SYNE2: variants seen among roughly 807,000 people sequenced by gnomAD.
SYNE2 encodes nesprin-2.
A neutral mutation model predicts 856.3 loss-of-function variants in SYNE2; 431 were observed. That is an observed-to-expected ratio of 0.50 (90% CI 0.47 to 0.55). The LOEUF (loss-of-function observed/expected upper bound fraction) is 0.55. Among genes scored for constraint, SYNE2 ranks in the 20% least tolerant of loss-of-function variants. The pLI, the probability that SYNE2 is intolerant of heterozygous loss-of-function variation, is 0.00. For missense variants in SYNE2, 8,129 were observed against 8,023.2 expected, an observed-to-expected ratio of 1.01 and a Z score of -0.50; for synonymous variants, 2,923 against 2,872.3, an observed-to-expected ratio of 1.02 and a Z score of -0.56.
chr14:64,187,340 A>G (rs1953234), intron 97 of SYNE2, among the ~76,000 whole-genome samples: 70,414 of 152,070 alleles, frequency 0.46, 18,640 homozygotes, highest in African/African-American at 0.74. Context: ...AATATTCACA[A>G]TGTACCCTAA....
intron 45 of SYNE2, among the ~76,000 whole-genome samples, chr14:64,036,624 A>C (rs1354820177): frequency 6.6e-6 from 1 of 152,180 alleles, no homozygotes; most frequent in Non-Finnish European, 1.5e-5. Context: ...ATGTTTGGTC[A>C]ACAACTGCTA....
chr14:63,944,218 A>C (rs2095976804), intron 6 of SYNE2, among the ~76,000 whole-genome samples: 1 of 150,138 alleles, frequency 6.7e-6, no homozygotes, highest in African/African-American at 2.4e-5. Flanking sequence ...TTTTAACAAA[A>C]TGGGGGTCAT....
intron 1 of SYNE2, among the ~76,000 whole-genome samples, chr14:63,809,382 G>A (rs1178524316): frequency 4.6e-5 from 7 of 152,146 alleles, no homozygotes; most frequent in Non-Finnish European, 8.8e-5. Context: ...GTAAGCTTCT[G>A]TATTTGCCTT....
intron 1 of SYNE2, among the ~76,000 whole-genome samples, chr14:63,846,204 A>G (rs1254911326): frequency 6.6e-6 from 1 of 151,558 alleles, no homozygotes; most frequent in Non-Finnish European, 1.5e-5. Flanking sequence ...ACGCACCATT[A>G]TGCTGGCTAA....
chr14:63,842,458 T>C (rs1376537407), intron 1 of SYNE2, among the ~76,000 whole-genome samples: 5 of 108,958 alleles, frequency 4.6e-5, no homozygotes, highest in African/African-American at 9.2e-5. Context: ...ATTTTTCTTT[T>C]TCTCCTTTTT....
intron 1 of SYNE2, among the ~76,000 whole-genome samples, chr14:63,837,341 T>C (rs182335157): frequency 1.3e-5 from 2 of 152,266 alleles, no homozygotes; most frequent in Non-Finnish European, 2.9e-5. Context: ...ACTATGAAAC[T>C]CTTAGAAGAA....
At position 64,122,358 on chromosome 14, in the gene SYNE2, G is replaced by A. The variant is rs778003689; in HGVS notation, c.13353G>A (p.Lys4451=). ...ILSPQGQNGD[K]WQYLHHELSS... is the part of the protein sequence containing the mutation. Reference sequence around the variant, plus strand: ...CACCCCAGGGCCAAAATGGAGATAAGTGGCAATATCTGCATCATGAACTCT... The same window carrying A: ...CACCCCAGGGCCAAAATGGAGATAAATGGCAATATCTGCATCATGAACTCT... Residue 4451 remains lysine, a synonymous_variant, in exon 70 of 116, where the codon AAG becomes AAA. Transcript: ENST00000555002. The A allele has an allele frequency of 1.2e-6, 2 of 1,614,162 alleles. No individual in the cohort carries two copies. Among genetic ancestry groups the A allele is most frequent in the Non-Finnish European group, 1.7e-6 (2 of 1,180,028 alleles).
intron 84 of SYNE2, among the ~76,000 whole-genome samples, chr14:64,152,285 T>G (rs2098250499): frequency 6.6e-6 from 1 of 152,206 alleles, no homozygotes; most frequent in Non-Finnish European, 1.5e-5. Flanking sequence ...AAACAGCCAG[T>G]GCAGGGCAGA....
chr14:63,993,757 A>G lies in SYNE2; in HGVS notation c.2647-78A>G, dbSNP rs2096688423. On this transcript the variant is annotated intron_variant, in intron 21 of 115. Coordinates refer to ENST00000555002, the MANE Select transcript of SYNE2 (RefSeq NM_182914.3). ...CTTTACCAGTTAAAGACATACCAAAATTAGCTTAGAGGATTTTGAGGATTT... is the reference window on the plus strand; with the variant it reads ...CTTTACCAGTTAAAGACATACCAAAGTTAGCTTAGAGGATTTTGAGGATTT... 22 of 1,366,942 alleles carry G rather than the reference A, an allele frequency of 1.6e-5. 1 individual carries two copies. Among genetic ancestry groups the G allele is most frequent in the Middle Eastern group, 5.1e-4 (2 of 3,900 alleles). 84.7% of individuals were successfully genotyped at this position (1,366,942 alleles called of 1,614,324 possible). A position where few individuals can be genotyped will look rare whatever the true frequency, so the allele number is the denominator to read the frequency against.
chr14:64,126,360 G>T lies in SYNE2; in HGVS notation c.13588G>T (p.Asp4530Tyr), dbSNP rs759509423. The T allele has an allele frequency of 3.1e-6, 5 of 1,614,002 alleles. No individual in the cohort carries two copies. The highest frequency in any genetic ancestry group is 2.2e-5 in the South Asian group (2 of 91,078). ...NMTEEAYINL[D>Y]KKLFELFLTL... ...GACAGAAGAAGCATATATCAATTTG[G>T]ATAAAAAATTGTTTGAACTATTCCT... Residue 4530 changes from aspartate to tyrosine, a missense_variant, in exon 72 of 116, where the codon GAT becomes TAT. Physicochemically the swap from Asp to Tyr is radical, Grantham distance 160. Around this residue, in one of 3 missense-constraint regions of SYNE2, gnomAD observed 5,410 missense variants for 5,284.8 expected, o/e 1.02. Coordinates refer to ENST00000555002, the MANE Select transcript of SYNE2 (RefSeq NM_182914.3).
At chr14:64,224,598 C>A in intron 114 of SYNE2, 51 bp downstream of exon 114, 1 of 1,600,130 alleles carries the variant, frequency 6.2e-7, no homozygotes, top group South Asian at 1.1e-5. Context: ...TTTTTAAAGT[C>A]ACTAAGATGA....
chr14:64,000,028 C>G (rs2096741816), intron 27 of SYNE2, among the ~76,000 whole-genome samples: 1 of 152,132 alleles, frequency 6.6e-6, no homozygotes, highest in Non-Finnish European at 1.5e-5. Flanking sequence ...ACAAATTATA[C>G]TGCTGATTGC....
intron 1 of SYNE2, among the ~76,000 whole-genome samples, chr14:63,888,615 C>T (rs2095053543): frequency 6.6e-6 from 1 of 152,198 alleles, no homozygotes. Context: ...ATCTTGCTGA[C>T]TACCCAGTGT....
intron 1 of SYNE2, among the ~76,000 whole-genome samples, chr14:63,878,782 T>G (rs2094788559): frequency 6.6e-6 from 1 of 152,186 alleles, no homozygotes; most frequent in African/African-American, 2.4e-5. Context: ...TGATCTCAGG[T>G]GATCCACCCA....
At chr14:63,844,502 A>C (rs953486225) in intron 1 of SYNE2, among the ~76,000 whole-genome samples, 1 of 152,232 alleles carries the variant, frequency 6.6e-6, no homozygotes, top group Non-Finnish European at 1.5e-5. Context: ...TTTTTGTGTG[A>C]ATGTAAGTAT....
At position 64,002,634 on chromosome 14, in the gene SYNE2, T is replaced by G; in HGVS notation, c.3787-86T>G. On this transcript the variant is annotated intron_variant, in intron 29 of 115. Coordinates refer to ENST00000555002, the MANE Select transcript of SYNE2 (RefSeq NM_182914.3). The stretch of plus-strand genomic sequence containing the variant: ...CAAAAGCATTTTTCTAGATCAAATC[T>G]AGTCATGCAGTTTGGGGCTAGTTTC... The G allele has an allele frequency of 2.8e-6, 4 of 1,453,450 alleles. No homozygotes were observed. The South Asian group carries it at 5.2e-5, about 19-fold the overall frequency. 90.0% of individuals were successfully genotyped at this position (1,453,450 alleles called of 1,614,324 possible).
chr14:63,765,365 TG>T (rs1224148151), intron 1 of SYNE2, among the ~76,000 whole-genome samples: 1 of 152,168 alleles, frequency 6.6e-6, no homozygotes, highest in Non-Finnish European at 1.5e-5. Context: ...TTTTGTTTTT[TG>T]TTTTGAGATG....
chr14:64,209,087 A>G lies in SYNE2; in HGVS notation c.18389+142A>G, dbSNP rs1001268111. The G allele has an allele frequency of 3.4e-5, 38 of 1,123,684 alleles. No individual in the cohort carries two copies. In the African/African-American group the frequency reaches 3.7e-4, roughly 11 times the overall value. The allele number at this position is 1,123,684 out of a possible 1,614,324, so 69.6% of individuals were successfully genotyped here. ...GGCAGAGAAGGCCCAACGCTTATCAAAGGATTTATTCAAGAAAAATGTAAC... is the reference window on the plus strand; with the variant it reads ...GGCAGAGAAGGCCCAACGCTTATCAGAGGATTTATTCAAGAAAAATGTAAC... On this transcript the variant is annotated intron_variant, in intron 101 of 115. Coordinates refer to ENST00000555002, the MANE Select transcript of SYNE2 (RefSeq NM_182914.3).
chr14:63,768,317 A>T (rs1886765109), intron 1 of SYNE2, among the ~76,000 whole-genome samples: 1 of 152,228 alleles, frequency 6.6e-6, no homozygotes, highest in African/African-American at 2.4e-5. Flanking sequence ...CCACAATTAA[A>T]GGCAAAAATC....
Sources: allele counts gnomAD v4.1 joint callset (sites outside exome capture counted in the v4.1 genomes callset), GRCh38; gene constraint gnomAD v4.1.1; regional missense constraint gnomAD v4.1.1; transcripts MANE v1.5; gene names NCBI Gene and HGNC (gene_info 2026-07-23, HGNC 2026-07-21).